Variants in UCHL5 observed in about 807,000 individuals in gnomAD.
The protein encoded by UCHL5 is ubiquitin C-terminal hydrolase L5, also known as ubiquitin carboxyl-terminal hydrolase isozyme L5.
A neutral mutation model predicts 53.8 loss-of-function variants in UCHL5; 34 were observed. That is an observed-to-expected ratio of 0.63 (90% CI 0.48 to 0.84). The LOEUF (loss-of-function observed/expected upper bound fraction) is 0.84. UCHL5 is among the 40% of genes least tolerant of loss of function. UCHL5 has a pLI of 0.00. For synonymous variants in UCHL5, 111 were observed against 126.3 expected (o/e 0.88, Z 0.81); for missense variants, 290 against 385.6 (o/e 0.75, Z 2.08).
At chr1:193,038,465 A>C (rs564379091) in intron 3 of UCHL5, among the ~76,000 whole-genome samples, 2 of 152,054 alleles carry the variant, frequency 1.3e-5, no homozygotes, top group South Asian at 2.1e-4. Context: ...AAAAAAAAAA[A>C]AAAAAACCAC....
chr1:193,035,721 G>C (rs1663125003), intron 3 of UCHL5, among the ~76,000 whole-genome samples: 2 of 152,062 alleles, frequency 1.3e-5, no homozygotes, highest in Admixed American at 1.3e-4. Context: ...ATGGTATGCA[G>C]TCTGCTCATA....
intron 10 of UCHL5, chr1:193,018,899 T>C (rs1202192998): frequency 2.4e-6 from 3 of 1,238,920 alleles, no homozygotes; most frequent in African/African-American, 1.5e-5. Flanking sequence ...CTTAGAAGTA[T>C]TACCATTAAG....
At chr1:193,034,058 T>A (rs1235601812) in intron 3 of UCHL5, among the ~76,000 whole-genome samples, 1 of 152,158 alleles carries the variant, frequency 6.6e-6, no homozygotes. Flanking sequence ...TAAGACATTT[T>A]GAATATAGAA....
intron 1 of UCHL5, among the ~76,000 whole-genome samples, chr1:193,053,152 G>C (rs994073893): frequency 6.6e-6 from 1 of 152,064 alleles, no homozygotes; most frequent in Admixed American, 6.6e-5. Context: ...TCTAGCAACA[G>C]ATTAAGAATA....
rs1654280447 is a variant in UCHL5 at position 193,012,357 on chromosome 1, G to A, written c.*3994C>T. ...ATATGGATAAGCTAAAAAGTAAATA[G>A]AGCAGTAGTCCTAGGCATTTCCATA... On this transcript the variant is annotated 3_prime_UTR_variant, in exon 11 of 11. Transcript: ENST00000367454. The A allele has an allele frequency of 6.6e-6, 1 of 152,146 alleles. No homozygotes were observed. The highest frequency in any genetic ancestry group is 2.1e-4 in the South Asian group (1 of 4,830). The allele number at this position is 152,146 out of a possible 1,614,324, so 9.4% of individuals were successfully genotyped here. A position where few individuals can be genotyped will look rare whatever the true frequency, so the allele number is the denominator to read the frequency against.
upstream of UCHL5, chr1:193,059,611 G>T (rs1371206927): frequency 2.8e-6 from 4 of 1,434,226 alleles, no homozygotes; most frequent in South Asian, 4.6e-5. This position sits in a 1 kb window ranked among gnomAD's most constrained non-coding sequence, Gnocchi z 4.9. Flanking sequence ...AGAGGGGCAG[G>T]ACTCGTTCCC....
chr1:193,051,347 G>T (rs1361315784), intron 2 of UCHL5, among the ~76,000 whole-genome samples: 2 of 151,998 alleles, frequency 1.3e-5, no homozygotes, highest in East Asian at 3.8e-4. Flanking sequence ...TAGTGTGTAG[G>T]CAAGTTCTGG....
chr1:193,033,194 G>T (rs1393398411), intron 3 of UCHL5, among the ~76,000 whole-genome samples: 1 of 152,128 alleles, frequency 6.6e-6, no homozygotes, highest in South Asian at 2.1e-4. Flanking sequence ...ATACTATGTG[G>T]CCATAAAAAA....
chr1:193,042,022 G>C (rs1251085014), intron 3 of UCHL5, among the ~76,000 whole-genome samples: 1 of 151,818 alleles, frequency 6.6e-6, no homozygotes, highest in Non-Finnish European at 1.5e-5. Flanking sequence ...CTACTCAGGA[G>C]GCTGAGGCAG....
intron 3 of UCHL5, among the ~76,000 whole-genome samples, chr1:193,047,105 T>A (rs1427204984): frequency 6.6e-6 from 1 of 152,088 alleles, no homozygotes; most frequent in Non-Finnish European, 1.5e-5. Context: ...TATACCCAAA[T>A]TACAATATCT....
rs1324103279 is a variant in UCHL5, at chr1:193,018,638, A to G, written c.943-2243T>C. 6.9e-5 allele frequency: 87 copies of G among 1,254,350 alleles called. 1 individual carries two copies. In the East Asian group the frequency reaches 2.7e-3, roughly 38 times the overall value. 77.7% of individuals were successfully genotyped at this position (1,254,350 alleles called of 1,614,324 possible). On this transcript the variant is annotated intron_variant, in intron 10 of 10. Coordinates refer to ENST00000367454, the MANE Select transcript of UCHL5 (RefSeq NM_001199261.3). ...AATCACTTTTTATTTATTATTTTGC[A>G]AATAAAAAGATTTTAGGTCAAATAC...
chr1:193,017,110 C>G (rs761276916), intron 10 of UCHL5, among the ~76,000 whole-genome samples: 21 of 151,622 alleles, frequency 1.4e-4, no homozygotes, highest in Non-Finnish European at 2.5e-4. Context: ...ACTTAGAGAC[C>G]CTGTTAAAAT....
At chr1:193,023,794 T>G in intron 8 of UCHL5, 50 bp downstream of exon 8, 4 of 1,377,170 alleles carry the variant, frequency 2.9e-6, no homozygotes, top group Non-Finnish European at 4.1e-6. Context: ...ATACTTTTCC[T>G]GAGAGAATAA....
rs2102212577 is a variant in UCHL5 at position 193,014,141 on chromosome 1, A to G, written c.*2210T>C. ...CTTTCCAAATAGCATTTATCTATTT[A>G]TGGGTTGCTCTTTATTCTTCCATTT... On this transcript the variant is annotated 3_prime_UTR_variant, in exon 11 of 11. Transcript: ENST00000367454. The G allele has an allele frequency of 6.6e-6, 1 of 152,312 alleles. No homozygotes were observed. The highest frequency in any genetic ancestry group is 1.5e-5 in the Non-Finnish European group (1 of 68,024). The allele number at this position is 152,312 out of a possible 1,614,324, so 9.4% of individuals were successfully genotyped here.
chr1:193,037,888 A>AT (rs1475187690), intron 3 of UCHL5, among the ~76,000 whole-genome samples: 4 of 99,896 alleles, frequency 4.0e-5, no homozygotes, highest in Non-Finnish European at 8.0e-5. Context: ...AACTTAAAGT[A>AT]TTAAAAAAAA....
intron 3 of UCHL5, among the ~76,000 whole-genome samples, chr1:193,038,039 T>C (rs1664183567): frequency 6.6e-6 from 1 of 152,052 alleles, no homozygotes; most frequent in Non-Finnish European, 1.5e-5. Flanking sequence ...AAGCATTTGA[T>C]AAAATTTAAC....
At chr1:193,039,261 T>A (rs1408789026) in intron 3 of UCHL5, among the ~76,000 whole-genome samples, 1 of 151,830 alleles carries the variant, frequency 6.6e-6, no homozygotes, top group Non-Finnish European at 1.5e-5. Context: ...AATACAAAAA[T>A]TAGCCTGGCA....
rs562249070 is a variant in UCHL5, at chr1:193,016,046, G to A, written c.*305C>T. The A allele has an allele frequency of 2.0e-5, 6 of 298,320 alleles. No homozygotes were observed. Among genetic ancestry groups the A allele is most frequent in the East Asian group, 6.2e-5 (1 of 16,252 alleles). 18.5% of individuals were successfully genotyped at this position (298,320 alleles called of 1,614,324 possible). A position where few individuals can be genotyped will look rare whatever the true frequency, so the allele number is the denominator to read the frequency against. ...ATTTAAATTACAGATAAGGAATATC[G>A]TTTGTGCATTTTCTAGCTTCATATG... On this transcript the variant is annotated 3_prime_UTR_variant, in exon 11 of 11. Coordinates refer to ENST00000367454, the MANE Select transcript of UCHL5 (RefSeq NM_001199261.3).
rs527843958 is a variant in UCHL5, at chr1:193,056,761, C to T, written c.76+2424G>A. On this transcript the variant is annotated intron_variant, in intron 1 of 10. Transcript: ENST00000367454. ...ATTTCATTTTTGAAAGAATCAACAG[C>T]CAAAAGCTTTTTTAAATCTATAAAT... Among the ~76,000 whole-genome samples the T allele has an allele frequency of 9.2e-5, 14 of 152,164 alleles. No individual in the cohort carries two copies. The South Asian group carries it at 1.2e-3, about 14-fold the overall frequency.
Sources: allele counts gnomAD v4.1 joint callset (sites outside exome capture counted in the v4.1 genomes callset), GRCh38; gene constraint gnomAD v4.1.1; non-coding constraint Gnocchi (gnomAD v3.1); transcripts MANE v1.5; gene names NCBI Gene and HGNC (gene_info 2026-07-23, HGNC 2026-07-21).